LINGO2: variants seen among roughly 807,000 people sequenced by gnomAD.
The protein encoded by LINGO2 is leucine-rich repeat and immunoglobulin-like domain-containing nogo receptor-interacting protein 2.
A neutral mutation model predicts 30.6 loss-of-function variants in LINGO2; 14 were observed. The observed-to-expected ratio is 0.46, with a 90% CI of 0.30 to 0.72. LINGO2 has a LOEUF of 0.72. Among genes scored for constraint, LINGO2 ranks in the 30% least tolerant of loss-of-function variants. The pLI is 0.07. For missense variants in LINGO2, 729 were observed against 751.7 expected, an observed-to-expected ratio of 0.97 and a Z score of 0.35; for synonymous variants, 317 against 288.5, an observed-to-expected ratio of 1.10 and a Z score of -1.00.
chr9:28,573,476 T>C (rs1823805083), intron 1 of LINGO2, among the ~76,000 whole-genome samples: 1 of 152,138 alleles, frequency 6.6e-6, no homozygotes, highest in Non-Finnish European at 1.5e-5. Context: ...ATTCCTGTAA[T>C]TATGTTTTTA....
At chr9:28,262,426 G>A (rs1564081484) in intron 4 of LINGO2, among the ~76,000 whole-genome samples, 1 of 151,656 alleles carries the variant, frequency 6.6e-6, no homozygotes, top group African/African-American at 2.4e-5. Flanking sequence ...ATTTCCAGCT[G>A]GTATTTTAAA....
At chr9:28,134,963 G>A (rs750863441) in intron 4 of LINGO2, among the ~76,000 whole-genome samples, 1 of 152,148 alleles carries the variant, frequency 6.6e-6, no homozygotes, top group Non-Finnish European at 1.5e-5. Context: ...AAGACTAAGA[G>A]AGACCCTTGA....
chr9:28,409,051 C>T (rs935429845), intron 2 of LINGO2, among the ~76,000 whole-genome samples: 2 of 152,066 alleles, frequency 1.3e-5, no homozygotes, highest in African/African-American at 2.4e-5. Flanking sequence ...ATCACCCCCT[C>T]CCTTGCATCA....
At chr9:28,888,189 C>T in the LINGO2 span, among the ~76,000 whole-genome samples, 1 of 152,064 alleles carries the variant, frequency 6.6e-6, no homozygotes, top group African/African-American at 2.4e-5. Context: ...CAACTTCATA[C>T]ATTTACTATA....
At chr9:28,993,765 C>G in the LINGO2 span, among the ~76,000 whole-genome samples, 2 of 148,942 alleles carry the variant, frequency 1.3e-5, no homozygotes, top group Non-Finnish European at 3.0e-5. Flanking sequence ...AAGACAAAAA[C>G]CACATGATTT....
At chr9:28,721,457 C>T in the LINGO2 span, among the ~76,000 whole-genome samples, 4 of 152,178 alleles carry the variant, frequency 2.6e-5, no homozygotes, top group Admixed American at 2.6e-4. Context: ...GGCACATATA[C>T]ACCATGGAAT....
At chr9:28,185,720 G>T (rs1376306433) in intron 4 of LINGO2, among the ~76,000 whole-genome samples, 2 of 152,036 alleles carry the variant, frequency 1.3e-5, no homozygotes, top group African/African-American at 4.8e-5. Flanking sequence ...CTGAAATTTT[G>T]ATGGCTACAG....
the LINGO2 span, among the ~76,000 whole-genome samples, chr9:28,757,590 T>G: frequency 6.6e-6 from 1 of 152,036 alleles, no homozygotes; most frequent in African/African-American, 2.4e-5. Flanking sequence ...CTTTAAATGT[T>G]TGTCAGTTTT....
intron 4 of LINGO2, among the ~76,000 whole-genome samples, chr9:28,063,765 T>C (rs1203258495): frequency 6.6e-6 from 1 of 152,140 alleles, no homozygotes; most frequent in Admixed American, 6.6e-5. Flanking sequence ...CCAAGACCAT[T>C]TTCCTAAGTT....
At chr9:28,325,519 G>A (rs563298355) in intron 3 of LINGO2, among the ~76,000 whole-genome samples, 5 of 152,132 alleles carry the variant, frequency 3.3e-5, no homozygotes, top group South Asian at 2.1e-4. Context: ...GGAGGGACCC[G>A]GTGGGAGATA....
chr9:29,005,124 T>A, the LINGO2 span, among the ~76,000 whole-genome samples: 1 of 152,000 alleles, frequency 6.6e-6, no homozygotes, highest in African/African-American at 2.4e-5. Context: ...AACCACAAAG[T>A]TTTATTGCCA....
intron 2 of LINGO2, among the ~76,000 whole-genome samples, chr9:28,431,669 A>C (rs1823681502): frequency 1.3e-5 from 2 of 152,194 alleles, no homozygotes. Context: ...CTCCCAGTTC[A>C]TGGCAGTTCC....
intron 2 of LINGO2, among the ~76,000 whole-genome samples, chr9:28,429,795 C>G (rs1049446727): frequency 5.9e-5 from 9 of 152,108 alleles, no homozygotes; most frequent in Non-Finnish European, 1.2e-4. Context: ...CCCTGGTGTT[C>G]CAACAGACTT....
intron 1 of LINGO2, among the ~76,000 whole-genome samples, chr9:28,601,774 C>T (rs900468868): frequency 3.3e-5 from 5 of 152,096 alleles, no homozygotes; most frequent in Non-Finnish European, 7.4e-5. Flanking sequence ...CTCATAGCTG[C>T]ATATTCTAAC....
At chr9:27,994,908 G>GTC (rs1213118739) in intron 5 of LINGO2, among the ~76,000 whole-genome samples, 2 of 152,050 alleles carry the variant, frequency 1.3e-5, no homozygotes, top group Non-Finnish European at 2.9e-5. Context: ...AGAGTGTACT[G>GTC]TCTCTCTCTC....
chr9:28,073,783 T>G (rs907241542), intron 4 of LINGO2, among the ~76,000 whole-genome samples: 5 of 152,156 alleles, frequency 3.3e-5, no homozygotes, highest in African/African-American at 1.2e-4. Context: ...ATCCCAGCCC[T>G]TTGGGGAGCT....
At chr9:29,095,503 T>C in the LINGO2 span, among the ~76,000 whole-genome samples, 1 of 138,268 alleles carries the variant, frequency 7.2e-6, no homozygotes, top group African/African-American at 2.7e-5. Flanking sequence ...CAAAGTCATT[T>C]TTACCTGATG....
the LINGO2 span, among the ~76,000 whole-genome samples, chr9:29,064,098 T>C: frequency 6.6e-6 from 1 of 152,166 alleles, no homozygotes; most frequent in South Asian, 2.1e-4. Flanking sequence ...TACATAATGG[T>C]TAAATAATAT....
chr9:28,714,188 T>TATATATATAC, the LINGO2 span, among the ~76,000 whole-genome samples: 14 of 73,380 alleles, frequency 1.9e-4, no homozygotes, highest in East Asian at 1.2e-3. Flanking sequence ...TATATATATA[T>TATATATATAC]ACACACATAC....
Sources: gnomAD v4.1 joint callset for allele counts (sites outside exome capture counted in the v4.1 genomes callset) on GRCh38, gnomAD v4.1.1 for gene constraint, MANE v1.5 for transcripts, NCBI Gene and HGNC (gene_info 2026-07-23, HGNC 2026-07-21) for gene names.